Variants in ROBO2 observed in about 807,000 individuals in gnomAD.
ROBO2 encodes roundabout guidance receptor 2.
ROBO2 carries 53 observed loss-of-function variants against 160.8 expected under a neutral mutation model. That is an observed-to-expected ratio of 0.33 (90% CI 0.26 to 0.41). The LOEUF (loss-of-function observed/expected upper bound fraction) is 0.41, where lower values mean the gene tolerates loss of function less well. Among genes scored for constraint, ROBO2 ranks in the 10% least tolerant of loss-of-function variants. ROBO2 has a pLI of 1.00. For missense variants in ROBO2, 1,577 were observed against 1,722.4 expected, an observed-to-expected ratio of 0.92 and a Z score of 1.49; for synonymous variants, 664 against 611.7, an observed-to-expected ratio of 1.09 and a Z score of -1.26.
At chr3:77,591,694 TGA>T (rs1024102378) in intron 17 of ROBO2, among the ~76,000 whole-genome samples, 1 of 152,208 alleles carries the variant, frequency 6.6e-6, no homozygotes, top group Non-Finnish European at 1.5e-5. Context: ...GACTTTTGAT[TGA>T]GAGTCACAGT....
chr3:77,046,751 T>G (rs931966603), intron 1 of ROBO2, among the ~76,000 whole-genome samples: 1 of 152,214 alleles, frequency 6.6e-6, no homozygotes, highest in Admixed American at 6.5e-5. Flanking sequence ...CCAGCTATTT[T>G]CTGAAGAGTC....
chr3:77,282,047 T>G (rs2060275542), intron 2 of ROBO2, among the ~76,000 whole-genome samples: 1 of 152,154 alleles, frequency 6.6e-6, no homozygotes, highest in Non-Finnish European at 1.5e-5. Context: ...TTTTAATATT[T>G]ACTACAATGT....
At chr3:76,651,495 TAA>T (rs1382546108) in intron 2 of ROBO2, among the ~76,000 whole-genome samples, 3 of 152,238 alleles carry the variant, frequency 2.0e-5, no homozygotes, top group East Asian at 1.9e-4. Flanking sequence ...TGAATTATCT[TAA>T]GTTTATTATC....
At chr3:77,246,231 A>G (rs942648173) in intron 2 of ROBO2, among the ~76,000 whole-genome samples, 1 of 152,146 alleles carries the variant, frequency 6.6e-6, no homozygotes, top group Non-Finnish European at 1.5e-5. Flanking sequence ...TCTTAGGCAC[A>G]AAGAGAAATC....
chr3:76,434,001 C>A (rs1361137492), intron 2 of ROBO2: 2 of 963,840 alleles, frequency 2.1e-6, no homozygotes, highest in Non-Finnish European at 3.4e-6. Flanking sequence ...TGAGTCAGAA[C>A]TCTGAGGTGG....
intron 2 of ROBO2, among the ~76,000 whole-genome samples, chr3:77,347,805 C>T (rs944570279): frequency 5.3e-5 from 8 of 152,020 alleles, no homozygotes; most frequent in Admixed American, 2.0e-4. Flanking sequence ...CTGGAAGCTC[C>T]TTCTCTCATG....
intron 2 of ROBO2, among the ~76,000 whole-genome samples, chr3:76,029,987 G>C (rs1482664200): frequency 1.3e-5 from 2 of 152,150 alleles, no homozygotes; most frequent in Admixed American, 6.5e-5. Flanking sequence ...CACCAACAGT[G>C]TAAAAGTGTT....
At chr3:76,298,961 T>C (rs551983577) in intron 2 of ROBO2, among the ~76,000 whole-genome samples, 25 of 152,308 alleles carry the variant, frequency 1.6e-4, no homozygotes, top group African/African-American at 5.8e-4. Context: ...AATCTGTAGA[T>C]GTTATTCTCT....
At chr3:75,997,832 A>G (rs956122204) in intron 2 of ROBO2, among the ~76,000 whole-genome samples, 3 of 152,148 alleles carry the variant, frequency 2.0e-5, no homozygotes, top group Non-Finnish European at 4.4e-5. Flanking sequence ...TGACTAAGAT[A>G]TGAACATTTT....
intron 2 of ROBO2, among the ~76,000 whole-genome samples, chr3:77,197,677 A>G (rs920264389): frequency 1.3e-5 from 2 of 152,226 alleles, no homozygotes; most frequent in African/African-American, 2.4e-5. Context: ...TCTGCTAGAC[A>G]GAATAAAGGT....
At chr3:76,418,248 A>AGG (rs1350187533) in intron 2 of ROBO2, among the ~76,000 whole-genome samples, 7 of 151,660 alleles carry the variant, frequency 4.6e-5, no homozygotes, top group Middle Eastern at 3.4e-3. Flanking sequence ...AGAGAGAGAG[A>AGG]GGGAGAGAGA....
At chr3:76,225,350 C>T (rs188556291) in intron 2 of ROBO2, among the ~76,000 whole-genome samples, 7 of 152,210 alleles carry the variant, frequency 4.6e-5, no homozygotes, top group African/African-American at 1.4e-4. Context: ...TTTTTTATGT[C>T]GTAGGTATTA....
chr3:76,640,579 A>C, intron 2 of ROBO2, among the ~76,000 whole-genome samples: 1 of 94,340 alleles, frequency 1.1e-5, no homozygotes. Context: ...ATAAATATCA[A>C]TGCGTGTTTG....
chr3:76,524,327 A>T (rs1033655135), intron 2 of ROBO2, among the ~76,000 whole-genome samples: 2 of 152,020 alleles, frequency 1.3e-5, no homozygotes, highest in Non-Finnish European at 2.9e-5. Context: ...ATTAAATGTC[A>T]TTGAAACTAC....
At chr3:77,252,813 A>AAAAAAG (rs1384833044) in intron 2 of ROBO2, among the ~76,000 whole-genome samples, 6 of 36,512 alleles carry the variant, frequency 1.6e-4, no homozygotes, top group African/African-American at 2.4e-4. Context: ...ATCTCAAAAA[A>AAAAAAG]AAAAAAAAAA....
At chr3:76,379,032 G>A (rs2076491323) in intron 2 of ROBO2, among the ~76,000 whole-genome samples, 1 of 152,138 alleles carries the variant, frequency 6.6e-6, no homozygotes, top group Non-Finnish European at 1.5e-5. Context: ...CATAATATCA[G>A]CATTGCTTAG....
chr3:77,374,585 C>G (rs1366322879), intron 2 of ROBO2, among the ~76,000 whole-genome samples: 1 of 152,054 alleles, frequency 6.6e-6, no homozygotes, highest in Non-Finnish European at 1.5e-5. Context: ...AATATGCTTC[C>G]TTAAAGTTTT....
intron 2 of ROBO2, among the ~76,000 whole-genome samples, chr3:76,869,763 C>A (rs1309761576): frequency 2.6e-5 from 4 of 152,076 alleles, no homozygotes; most frequent in African/African-American, 9.7e-5. Context: ...AAAGTAGAGT[C>A]TCTTCATAAT....
At chr3:77,146,792 C>A (rs1240560627) in intron 2 of ROBO2, among the ~76,000 whole-genome samples, 1 of 152,018 alleles carries the variant, frequency 6.6e-6, no homozygotes, top group African/African-American at 2.4e-5. Context: ...AATGGTGAAG[C>A]CCCATCTCTA....
Sources: allele counts gnomAD v4.1 joint callset (sites outside exome capture counted in the v4.1 genomes callset), GRCh38; gene constraint gnomAD v4.1.1; transcripts MANE v1.5; gene names NCBI Gene and HGNC (gene_info 2026-07-23, HGNC 2026-07-21).